RNPEP: variants seen among roughly 807,000 people sequenced by gnomAD.
RNPEP encodes aminopeptidase B.
In RNPEP, 57 loss-of-function variants were observed where a neutral mutation model predicts 70.1. The observed-to-expected ratio is 0.81, with a 90% CI of 0.66 to 1.01. RNPEP has a LOEUF of 1.01. Ranked by LOEUF, RNPEP falls within the 50% of genes least tolerant of loss-of-function variation. The pLI is 0.00. For missense variants in RNPEP, 787 were observed against 852.4 expected (o/e 0.92, Z 0.96); for synonymous variants, 335 against 357.4 (o/e 0.94, Z 0.71).
chr1:201,997,610 C>T (rs1571638231), intron 5 of RNPEP, 56 bp downstream of exon 5: 1 of 1,329,156 alleles, frequency 7.5e-7, no homozygotes, highest in Non-Finnish European at 1.1e-6. Context: ...ACCTGTGGGG[C>T]CAGTGTGATC....
chr1:201,986,984 A>G (rs1185655822), intron 1 of RNPEP, among the ~76,000 whole-genome samples: 2 of 152,162 alleles, frequency 1.3e-5, no homozygotes, highest in African/African-American at 4.8e-5. Flanking sequence ...TCTATACTGC[A>G]CTGTACCTGT....
Position 202,005,916 on chromosome 1 carries a change from G to A in RNPEP, c.*200G>A. On this transcript the variant is annotated 3_prime_UTR_variant, in exon 11 of 11. Transcript: ENST00000295640. ...TTCTCTATAGCCCACTGAGCCCCGA[G>A]ACAGAGAACCTGCCCACAGCTCTCC... The A allele has an allele frequency of 1.6e-6, 1 of 621,856 alleles. No individual in the cohort carries two copies. Among genetic ancestry groups the A allele is most frequent in the Non-Finnish European group, 2.7e-6 (1 of 366,206 alleles). The allele number at this position is 621,856 out of a possible 1,614,324, so 38.5% of individuals were successfully genotyped here.
Position 201,999,959 on chromosome 1 carries a change from TG to T in RNPEP, c.1150del (p.Asp384ThrfsTer14). 6.2e-7 allele frequency: 1 copy of T among 1,614,040 alleles called. No individual in the cohort carries two copies. The highest frequency in any genetic ancestry group is 8.5e-7 in the Non-Finnish European group (1 of 1,179,968). On this transcript the variant is annotated frameshift_variant, in exon 6 of 11. Coordinates refer to ENST00000295640, the MANE Select transcript of RNPEP (RefSeq NM_020216.4). LOFTEE classifies it high-confidence loss of function. Reference sequence around the variant, plus strand: ...GGGCGGGCTCTGCTGCGTCAGCACATGGACATCACTGGAGAGGAAAACCCAC... The same window carrying T: ...GGGCGGGCTCTGCTGCGTCAGCACATGACATCACTGGAGAGGAAAACCCAC... ...ATGRALLRQH[M>X]DITGEENPLN...
chr1:202,000,777 C>T (rs1683762165), intron 6 of RNPEP, among the ~76,000 whole-genome samples: 1 of 151,934 alleles, frequency 6.6e-6, no homozygotes, highest in South Asian at 2.1e-4. Context: ...ACCTGTAATC[C>T]CAGCTACTGG....
At position 201,988,946 on chromosome 1, in the gene RNPEP, C is replaced by G. The variant is rs1257058941; in HGVS notation, c.490C>G (p.Pro164Ala). ...APEQTAGKKK[P>A]FVYTQGQAVL... ...CGAGCAGACAGCAGGAAAGAAGAAG[C>G]CCTTCGTGTACACCCAGGGCCAGGC... Residue 164 changes from proline (P) to alanine (A), a missense_variant, in exon 2 of 11, where the codon CCC (proline) becomes GCC (alanine). Transcript: ENST00000295640. 3 of 1,613,664 alleles carry G rather than the reference C, an allele frequency of 1.9e-6. No individual in the cohort carries two copies. The highest frequency in any genetic ancestry group is 1.1e-5 in the South Asian group (1 of 90,972).
intron 1 of RNPEP, among the ~76,000 whole-genome samples, chr1:201,984,328 G>GC (rs1683049509): frequency 1.3e-5 from 2 of 152,194 alleles, no homozygotes; most frequent in Non-Finnish European, 2.9e-5. Context: ...ACAACTTGCA[G>GC]CAAAGGCAGG....
At chr1:201,986,181 A>T (rs572504507) in intron 1 of RNPEP, among the ~76,000 whole-genome samples, 1 of 152,206 alleles carries the variant, frequency 6.6e-6, no homozygotes, top group African/African-American at 2.4e-5. Flanking sequence ...CAATTCTCCC[A>T]TCTTGGCCTC....
rs1684044695 is a variant in RNPEP at position 202,005,871 on chromosome 1, C to T, written c.*155C>T. On this transcript the variant is annotated 3_prime_UTR_variant, in exon 11 of 11. Transcript: ENST00000295640. ...TTAGGTATCTGTGACTCTTGGGCCT[C>T]TGCTCTGGTGGGAACTTACTTCTCT... 2.2e-6 allele frequency: 2 copies of T among 896,296 alleles called. No homozygotes were observed. The highest frequency in any genetic ancestry group is 5.3e-5 in the East Asian group (2 of 38,000). 55.5% of individuals were successfully genotyped at this position (896,296 alleles called of 1,614,324 possible).
At position 201,999,938 on chromosome 1, in the gene RNPEP, G is replaced by C. The variant is rs770743142; in HGVS notation, c.1127G>C (p.Arg376Pro). The change falls in exon 6 of 11, where the codon CGG (arginine) becomes CCG (proline). Residue 376 changes from arginine to proline, a missense_variant. Coordinates refer to ENST00000295640, the MANE Select transcript of RNPEP (RefSeq NM_020216.4). ...ACCTGCTTGGAGGCTGCAACGGGGCGGGCTCTGCTGCGTCAGCACATGGAC... is the reference window on the plus strand; with the variant it reads ...ACCTGCTTGGAGGCTGCAACGGGGCCGGCTCTGCTGCGTCAGCACATGGAC... ...AYTCLEAATG[R>P]ALLRQHMDIT... 6.2e-7 allele frequency: 1 copy of C among 1,613,786 alleles called. No individual in the cohort carries two copies.
chr1:202,001,577 G>A (rs1156307025), intron 7 of RNPEP, 82 bp from the exon 8 acceptor site: 31 of 1,420,420 alleles, frequency 2.2e-5, no homozygotes, highest in Non-Finnish European at 3.1e-5. Flanking sequence ...AGATGTAAGG[G>A]GTTGGAGGAG....
chr1:201,998,222 G>A (rs1445385341), intron 5 of RNPEP, among the ~76,000 whole-genome samples: 2 of 141,134 alleles, frequency 1.4e-5, no homozygotes, highest in Non-Finnish European at 3.0e-5. Context: ...ATAATTTCTG[G>A]GTCTGAACTT....
chr1:201,996,208 A>G lies in RNPEP; in HGVS notation c.799A>G (p.Ile267Val), dbSNP rs201672156. 192 of 1,614,176 alleles carry G rather than the reference A, an allele frequency of 1.2e-4. 1 individual carries two copies. Among genetic ancestry groups the G allele is most frequent in the South Asian group, 3.6e-4 (33 of 91,088 alleles). Residue 267 changes from isoleucine to valine, a missense_variant, in exon 4 of 11, where the codon ATA (isoleucine) becomes GTA (valine). Physicochemically the swap from Ile to Val is conservative, Grantham distance 29 (BLOSUM62 3). Coordinates refer to ENST00000295640, the MANE Select transcript of RNPEP (RefSeq NM_020216.4). ...DAAKEEYNGV[I>V]EEFLATGEKL... ...TGCCAAGGAGGAGTACAACGGGGTGATAGAAGAATTTTTGGCAACAGGAGA... is the reference window on the plus strand; with the variant it reads ...TGCCAAGGAGGAGTACAACGGGGTGGTAGAAGAATTTTTGGCAACAGGAGA...
intron 3 of RNPEP, among the ~76,000 whole-genome samples, chr1:201,991,192 A>C (rs6667090): frequency 6.6e-6 from 1 of 151,846 alleles, no homozygotes; most frequent in African/African-American, 2.4e-5. Context: ...TTGGCTCACC[A>C]CAACCTCCGC....
intron 8 of RNPEP, 108 bp downstream of exon 8, chr1:202,001,875 C>CTAG (rs2102982032): frequency 2.7e-6 from 2 of 752,910 alleles, no homozygotes; most frequent in East Asian, 2.5e-5. Flanking sequence ...TCAGAGTCAG[C>CTAG]TAGGTAGGGG....
intron 3 of RNPEP, among the ~76,000 whole-genome samples, chr1:201,994,485 G>C (rs1420718583): frequency 6.6e-6 from 1 of 151,916 alleles, no homozygotes; most frequent in East Asian, 1.9e-4. Context: ...CAGACTCTCG[G>C]TGCTTCCTCA....
At chr1:202,004,610 G>A (rs1683974272) in intron 10 of RNPEP, 114 bp downstream of exon 10, 1 of 1,317,352 alleles carries the variant, frequency 7.6e-7, no homozygotes, top group Non-Finnish European at 1.0e-6. Flanking sequence ...ACAGAGGGAG[G>A]GGCAAATGAC....
chr1:202,001,601 G>A, intron 7 of RNPEP, 58 bp from the exon 8 acceptor site: 2 of 1,467,800 alleles, frequency 1.4e-6, no homozygotes, highest in East Asian at 2.3e-5. Context: ...CCAGGACACA[G>A]AGGGACACCA....
chr1:201,995,864 C>G, intron 3 of RNPEP: 1 of 348,518 alleles, frequency 2.9e-6, no homozygotes, highest in South Asian at 6.2e-5. Flanking sequence ...GAAACTGAGG[C>G]TCACAGAGGT....
rs746222845 is a variant in RNPEP at position 201,996,173 on chromosome 1, T to C, written c.764T>C (p.Leu255Pro). 6.2e-7 allele frequency: 1 copy of C among 1,614,180 alleles called. No individual in the cohort carries two copies. Among genetic ancestry groups the C allele is most frequent in the Non-Finnish European group, 8.5e-7 (1 of 1,180,006 alleles). ...PRSRVWAEPC[L>P]IDAAKEEYNG... ...AGCCGGGTGTGGGCTGAGCCCTGCC[T>C]GATTGATGCTGCCAAGGAGGAGTAC... The change falls in exon 4 of 11, where the codon CTG (leucine) becomes CCG (proline). Residue 255 changes from leucine (L) to proline (P), a missense_variant. Coordinates refer to ENST00000295640, the MANE Select transcript of RNPEP (RefSeq NM_020216.4).
Sources: gnomAD v4.1 joint callset for allele counts (sites outside exome capture counted in the v4.1 genomes callset) on GRCh38, gnomAD v4.1.1 for gene constraint, MANE v1.5 for transcripts, NCBI Gene and HGNC (gene_info 2026-07-23, HGNC 2026-07-21) for gene names.